The following BCR variants were observed in gnomAD, a reference collection of about 807,000 sequenced individuals.
BCR encodes the protein breakpoint cluster region protein.
BCR carries 58 observed loss-of-function variants against 138.6 expected under a neutral mutation model. The observed-to-expected ratio is 0.42, with a 90% CI of 0.34 to 0.52. BCR has a LOEUF of 0.52. BCR is among the 20% of genes least tolerant of loss of function. The pLI, the probability that BCR is intolerant of heterozygous loss-of-function variation, is 0.06. For synonymous variants in BCR, 786 were observed against 730.1 expected (o/e 1.08, Z -1.23); for missense variants, 1,599 against 1,727.2 (o/e 0.93, Z 1.32).
chr22:23,261,584 C>T, intron 4 of BCR, 44 bp downstream of exon 4: 1 of 1,586,096 alleles, frequency 6.3e-7, no homozygotes, highest in South Asian at 1.1e-5. Context: ...GCGTGTACCA[C>T]CACGTCCAGC....
chr22:23,207,428 A>G (rs545207309), intron 1 of BCR, among the ~76,000 whole-genome samples: 1 of 152,242 alleles, frequency 6.6e-6, no homozygotes, highest in African/African-American at 2.4e-5. Flanking sequence ...GTTCAAAACC[A>G]GCCTAAGCAA....
At position 23,287,737 on chromosome 22, in the gene BCR, T is replaced by TCACCTC. The variant is rs1602106785; in HGVS notation, c.2527-359_2527-354dup. 2.0e-5 allele frequency among the ~76,000 whole-genome samples: 3 copies of TCACCTC among 152,320 alleles called. No homozygotes were observed. In the East Asian group the frequency reaches 5.8e-4, roughly 29 times the overall value. On this transcript the variant is annotated intron_variant, in intron 11 of 22. Transcript: ENST00000305877. Reference sequence around the variant, plus strand: ...GCAGCTGGTGGGCTCTGCAGAAGCCTCACCTCTGGGCTAGTGTGGGGCTTG... The same window carrying TCACCTC: ...GCAGCTGGTGGGCTCTGCAGAAGCCTCACCTCCACCTCTGGGCTAGTGTGGGGCTTG...
At chr22:23,266,124 G>A (rs1354018277) in intron 4 of BCR, among the ~76,000 whole-genome samples, 4 of 151,236 alleles carry the variant, frequency 2.6e-5, no homozygotes, top group African/African-American at 4.9e-5. Context: ...TCACTCTGTC[G>A]CCCAATCTGG....
chr22:23,181,355 G>T lies in BCR; in HGVS notation c.395G>T (p.Arg132Leu). ...SPGKARPGTA[R>L]RPGAAASGER... is the part of the protein sequence containing the mutation. ...GGTAAGGCCAGGCCCGGGACCGCCC[G>T]CAGGCCCGGGGCAGCCGCGTCGGGG... is the stretch of plus-strand genomic sequence containing the variant. The change falls in exon 1 of 23, where the codon CGC (arginine) becomes CTC (leucine). Residue 132 changes from arginine (R) to leucine (L), a missense_variant. Arg to Leu is a moderately radical substitution (Grantham distance 102). Transcript: ENST00000305877. 2 of 1,505,872 alleles carry T rather than the reference G, an allele frequency of 1.3e-6. No individual in the cohort carries two copies. The highest frequency in any genetic ancestry group is 1.8e-6 in the Non-Finnish European group (2 of 1,134,426). The allele number at this position is 1,505,872 out of a possible 1,614,324, so 93.3% of individuals were successfully genotyped here. A position where few individuals can be genotyped will look rare whatever the true frequency, so the allele number is the denominator to read the frequency against.
intron 1 of BCR, among the ~76,000 whole-genome samples, chr22:23,250,645 G>C (rs1159546861): frequency 6.6e-6 from 1 of 152,142 alleles, no homozygotes; most frequent in Non-Finnish European, 1.5e-5. Flanking sequence ...GTTGTTAAAG[G>C]AGGCCAAGGG....
At chr22:23,245,971 A>T (rs796292190) in intron 1 of BCR, among the ~76,000 whole-genome samples, 40 of 152,360 alleles carry the variant, frequency 2.6e-4, no homozygotes, top group African/African-American at 8.7e-4. Flanking sequence ...CCCATTAAGC[A>T]GTCACCGACC....
chr22:23,258,126 C>A (rs1034700314), intron 2 of BCR, among the ~76,000 whole-genome samples: 5 of 152,242 alleles, frequency 3.3e-5, no homozygotes, highest in African/African-American at 7.2e-5. Context: ...GCTGTCCCCC[C>A]CACACACATG....
intron 4 of BCR, chr22:23,263,591 C>T (rs2073398772): frequency 6.5e-7 from 1 of 1,542,444 alleles, no homozygotes; most frequent in Non-Finnish European, 9.0e-7. Context: ...CTCTGGGAGT[C>T]TGCTGGGCAT....
chr22:23,240,087 G>A (rs1181640777), intron 1 of BCR, among the ~76,000 whole-genome samples: 1 of 152,080 alleles, frequency 6.6e-6, no homozygotes, highest in African/African-American at 2.4e-5. Context: ...GGGATTACAG[G>A]CATGAGCCAC....
At chr22:23,262,821 A>AGGCGGAAGAGGAAGCAG (rs2073381421) in intron 4 of BCR, 1 of 1,011,782 alleles carries the variant, frequency 9.9e-7, no homozygotes, top group Non-Finnish European at 1.2e-6. Flanking sequence ...GAGAGGGGCA[A>AGGCGGAAGAGGAAGCAG]GGCGGAAGAG....
At chr22:23,297,919 C>T (rs1230184232) in intron 16 of BCR, among the ~76,000 whole-genome samples, 2 of 152,224 alleles carry the variant, frequency 1.3e-5, no homozygotes, top group African/African-American at 4.8e-5. Context: ...TATTTATGCA[C>T]GTGACCTGTG....
chr22:23,237,214 C>G (rs1307169440), intron 1 of BCR, among the ~76,000 whole-genome samples: 2 of 152,222 alleles, frequency 1.3e-5, no homozygotes, highest in East Asian at 3.9e-4. Flanking sequence ...TACCACAGTC[C>G]TCATCAGGAT....
intron 1 of BCR, among the ~76,000 whole-genome samples, chr22:23,220,074 C>T (rs1456793110): frequency 2.6e-5 from 4 of 152,336 alleles, no homozygotes; most frequent in South Asian, 2.1e-4. Flanking sequence ...GTTCTGCCAC[C>T]TGCCCTTTGA....
At chr22:23,285,850 CAG>C (rs760348589) in intron 10 of BCR, among the ~76,000 whole-genome samples, 2 of 152,332 alleles carry the variant, frequency 1.3e-5, no homozygotes, top group Non-Finnish European at 2.9e-5. Flanking sequence ...TATAAGGGAA[CAG>C]GGTGTGATCA....
At chr22:23,216,797 C>T (rs1412106948) in intron 1 of BCR, among the ~76,000 whole-genome samples, 1 of 152,252 alleles carries the variant, frequency 6.6e-6, no homozygotes, top group African/African-American at 2.4e-5. Context: ...AGGCTGAGAC[C>T]TCTCTCTCCT....
intron 16 of BCR, among the ~76,000 whole-genome samples, chr22:23,303,484 A>G (rs1351448314): frequency 1.3e-5 from 2 of 152,228 alleles, no homozygotes. Context: ...GGGCATTCCG[A>G]GATGAATGAG....
chr22:23,311,660 G>A lies in BCR; in HGVS notation c.3183-37G>A, dbSNP rs772864396. 3.9e-6 allele frequency: 6 copies of A among 1,525,574 alleles called. No individual in the cohort carries two copies. The East Asian group carries it at 1.4e-4, about 35-fold the overall frequency. 94.5% of individuals were successfully genotyped at this position (1,525,574 alleles called of 1,614,324 possible). A position where few individuals can be genotyped will look rare whatever the true frequency, so the allele number is the denominator to read the frequency against. ...TCTCCTGTGTTATGGCCCAAGCAGG[G>A]CTGTTAGGACACTGAGAACATTCCC... On this transcript the variant is annotated intron_variant, in intron 18 of 22. Coordinates refer to ENST00000305877, the MANE Select transcript of BCR (RefSeq NM_004327.4).
chr22:23,315,387 AGCCC>A, intron 22 of BCR, 42 bp from the exon 23 acceptor site: 1 of 1,578,350 alleles, frequency 6.3e-7, no homozygotes. Context: ...AGCAGCTGTG[AGCCC>A]CGCTCTGAGC....
At chr22:23,202,721 T>TTGTGTGTGTGTGTGTGTG (rs58577462) in intron 1 of BCR, among the ~76,000 whole-genome samples, 54 of 142,852 alleles carry the variant, frequency 3.8e-4, no homozygotes, top group East Asian at 3.8e-3. Context: ...ATTCAATTGT[T>TTGTGTGTGTGTGTGTGTG]TGTGTGTGTG....
Sources: allele counts gnomAD v4.1 joint callset (sites outside exome capture counted in the v4.1 genomes callset), GRCh38; gene constraint gnomAD v4.1.1; transcripts MANE v1.5; gene names NCBI Gene and HGNC (gene_info 2026-07-23, HGNC 2026-07-21).